The following SCLT1 variants were observed in gnomAD, a reference collection of about 807,000 sequenced individuals.
The protein encoded by SCLT1 is sodium channel-associated protein 1.
A neutral mutation model predicts 112.8 loss-of-function variants in SCLT1; 78 were observed. The observed-to-expected ratio is 0.69, with a 90% CI of 0.58 to 0.83. The LOEUF is 0.83. Among genes scored for constraint, SCLT1 ranks in the 40% least tolerant of loss-of-function variants. The pLI, the probability that SCLT1 is intolerant of heterozygous loss-of-function variation, is 0.00. For synonymous variants in SCLT1, 257 were observed against 254.7 expected, an observed-to-expected ratio of 1.01 and a Z score of -0.09; for missense variants, 747 against 770.4, an observed-to-expected ratio of 0.97 and a Z score of 0.36.
At chr4:128,903,560 GTATT>G (rs1560822733) in intron 18 of SCLT1, among the ~76,000 whole-genome samples, 1 of 150,636 alleles carries the variant, frequency 6.6e-6, no homozygotes, top group African/African-American at 2.5e-5. Context: ...AAAACTATTG[GTATT>G]TATTTAGACT....
At chr4:128,942,930 T>C (rs1737827762) in intron 17 of SCLT1, 66 bp downstream of exon 17, 2 of 1,203,782 alleles carry the variant, frequency 1.7e-6, no homozygotes, top group Non-Finnish European at 2.3e-6. Context: ...TTTTGCTAGG[T>C]CTCTCTAAAT....
chr4:128,989,008 T>TA (rs759614942), intron 9 of SCLT1, among the ~76,000 whole-genome samples: 1 of 151,836 alleles, frequency 6.6e-6, no homozygotes, highest in Non-Finnish European at 1.5e-5. Flanking sequence ...AAGATAAAGT[T>TA]AGACACCAAT....
intron 4 of SCLT1, chr4:129,040,261 A>G: frequency 2.8e-6 from 2 of 702,618 alleles, no homozygotes; most frequent in Non-Finnish European, 5.2e-6. Context: ...CAGATAATTG[A>G]GCACTGACCA....
intron 18 of SCLT1, among the ~76,000 whole-genome samples, chr4:128,897,885 A>G (rs1266805222): frequency 6.6e-6 from 1 of 152,180 alleles, no homozygotes; most frequent in Non-Finnish European, 1.5e-5. Flanking sequence ...AGTCTCTGAT[A>G]AAACAGACTT....
At chr4:129,005,093 C>T (rs1469769999) in intron 5 of SCLT1, among the ~76,000 whole-genome samples, 1 of 151,994 alleles carries the variant, frequency 6.6e-6, no homozygotes, top group Non-Finnish European at 1.5e-5. Context: ...TTTTTACTTT[C>T]CATTAAAAAT....
intron 5 of SCLT1, among the ~76,000 whole-genome samples, chr4:129,025,331 T>G (rs1745944273): frequency 6.6e-6 from 1 of 152,192 alleles, no homozygotes; most frequent in South Asian, 2.1e-4. Context: ...GGGAAGCCCA[T>G]CAGACTAACA....
chr4:128,949,862 C>G (rs1441192057), intron 14 of SCLT1, among the ~76,000 whole-genome samples: 1 of 148,910 alleles, frequency 6.7e-6, no homozygotes, highest in Non-Finnish European at 1.5e-5. Context: ...TTTTTTTCCC[C>G]TAATTGTGAA....
chr4:129,053,332 T>TA (rs1173195801), intron 2 of SCLT1, among the ~76,000 whole-genome samples: 3 of 152,078 alleles, frequency 2.0e-5, no homozygotes, highest in Admixed American at 6.6e-5. Context: ...AGTGGGGTGT[T>TA]AAAGTCTCCC....
chr4:128,924,886 T>G (rs1475478540), intron 18 of SCLT1, among the ~76,000 whole-genome samples: 1 of 152,196 alleles, frequency 6.6e-6, no homozygotes, highest in African/African-American at 2.4e-5. Flanking sequence ...GATGTCACTT[T>G]CAAGATTAGC....
At chr4:129,044,777 ATCC>A (rs941611001) in intron 2 of SCLT1, among the ~76,000 whole-genome samples, 4 of 151,080 alleles carry the variant, frequency 2.6e-5, no homozygotes, top group Non-Finnish European at 5.9e-5. Flanking sequence ...TCTTAAATAA[ATCC>A]TAAAGTTCCA....
intron 9 of SCLT1, among the ~76,000 whole-genome samples, chr4:128,978,018 C>G (rs552762316): frequency 2.0e-5 from 3 of 151,992 alleles, no homozygotes; most frequent in Non-Finnish European, 4.4e-5. Flanking sequence ...AGAGCCAACA[C>G]GAGCAGATGT....
intron 15 of SCLT1, among the ~76,000 whole-genome samples, chr4:128,947,300 TAAC>T (rs1738255584): frequency 6.6e-6 from 1 of 152,328 alleles, no homozygotes; most frequent in African/African-American, 2.4e-5. Flanking sequence ...CCCTGATGTG[TAAC>T]AGGTGGCAAT....
intron 18 of SCLT1, among the ~76,000 whole-genome samples, chr4:128,912,310 C>G (rs1260834163): frequency 6.6e-6 from 1 of 152,072 alleles, no homozygotes; most frequent in Non-Finnish European, 1.5e-5. Context: ...TATGGAAGTA[C>G]CATCTAGCAG....
At chr4:129,034,970 A>G (rs1014030064) in intron 5 of SCLT1, among the ~76,000 whole-genome samples, 4 of 152,148 alleles carry the variant, frequency 2.6e-5, no homozygotes, top group African/African-American at 9.6e-5. Context: ...ACAAGTAATA[A>G]AACACCCAAC....
At chr4:128,913,500 G>A (rs1003945148) in intron 18 of SCLT1, among the ~76,000 whole-genome samples, 1 of 152,204 alleles carries the variant, frequency 6.6e-6, no homozygotes, top group African/African-American at 2.4e-5. Flanking sequence ...TATATAAAAT[G>A]ATTGTCTTGC....
At chr4:128,891,365 T>C (rs1733305762) in intron 18 of SCLT1, among the ~76,000 whole-genome samples, 1 of 152,184 alleles carries the variant, frequency 6.6e-6, no homozygotes, top group South Asian at 2.1e-4. Flanking sequence ...TGTAACACTA[T>C]TGGATTGTAC....
intron 5 of SCLT1, among the ~76,000 whole-genome samples, chr4:129,027,640 C>T (rs1746246072): frequency 6.6e-6 from 1 of 152,082 alleles, no homozygotes; most frequent in African/African-American, 2.4e-5. Flanking sequence ...CCTCTCTCAC[C>T]ACTCCTATTC....
chr4:128,964,286 C>G (rs1199076038), intron 11 of SCLT1, among the ~76,000 whole-genome samples: 1 of 152,094 alleles, frequency 6.6e-6, no homozygotes, highest in Admixed American at 6.6e-5. Context: ...GGCACAGTCT[C>G]AAACAACTAA....
chr4:129,012,840 A>C (rs2126107257), intron 5 of SCLT1, among the ~76,000 whole-genome samples: 1 of 147,416 alleles, frequency 6.8e-6, no homozygotes, highest in Middle Eastern at 3.5e-3. Context: ...CGTAACCCCT[A>C]CTTTTTTTCT....
Sources: gnomAD v4.1 joint callset for allele counts (sites outside exome capture counted in the v4.1 genomes callset) on GRCh38, gnomAD v4.1.1 for gene constraint, MANE v1.5 for transcripts, NCBI Gene and HGNC (gene_info 2026-07-23, HGNC 2026-07-21) for gene names.